ZNF536: variants seen among roughly 807,000 people sequenced by gnomAD.
ZNF536 encodes the protein zinc finger protein 536.
In ZNF536, 13 loss-of-function variants were observed where a neutral mutation model predicts 84.5. That is an observed-to-expected ratio of 0.15 (90% CI 0.10 to 0.24). ZNF536 has a LOEUF of 0.24. Ranked by LOEUF, ZNF536 falls within the 10% of genes least tolerant of loss-of-function variation. ZNF536 has a pLI of 1.00. For synonymous variants in ZNF536, 811 were observed against 742.5 expected (o/e 1.09, Z -1.50); for missense variants, 1,536 against 1,747.5 (o/e 0.88, Z 2.16).
chr19:30,645,437 A>AT (rs879501024), intron 1 of ZNF536, among the ~76,000 whole-genome samples: 3 of 152,100 alleles, frequency 2.0e-5, no homozygotes, highest in Admixed American at 6.6e-5. Flanking sequence ...CTTTAAAAAA[A>AT]TTTTTTTGGG....
chr19:30,665,006 T>A (rs558948300), intron 1 of ZNF536, among the ~76,000 whole-genome samples: 13 of 152,344 alleles, frequency 8.5e-5, no homozygotes, highest in Admixed American at 8.5e-4. Context: ...ACTTCAGGCC[T>A]GGAAAATAAT....
rs762387553 is a variant in ZNF536, at chr19:30,557,208, T to C, written c.*44T>C. On this transcript the variant is annotated 3_prime_UTR_variant, in exon 5 of 5. Coordinates refer to ENST00000355537, the MANE Select transcript of ZNF536 (RefSeq NM_014717.3). The stretch of plus-strand genomic sequence containing the variant: ...GTCTATCTGGACTTGCCCTTGTCTG[T>C]TCGTGGTCCTCGGTGGTTATCTGCA... The C allele has an allele frequency of 1.2e-6, 2 of 1,611,464 alleles. No individual in the cohort carries two copies. The highest frequency in any genetic ancestry group is 1.7e-5 in the Admixed American group (1 of 59,830).
Position 30,292,739 on chromosome 19 carries a change from G to C in ZNF536, c.-120+8598G>C, listed in dbSNP as rs2045883440. 2.0e-5 allele frequency among the ~76,000 whole-genome samples: 3 copies of C among 152,170 alleles called. No homozygotes were observed. In the South Asian group the frequency reaches 6.2e-4, roughly 32 times the overall value. On this transcript the variant is annotated intron_variant, in intron 2 of 5. Coordinates refer to the ZNF536 transcript ENST00000585628. Reference sequence around the variant, plus strand: ...TTGGGAGAGGAAGCCAATTGAGGGAGAGAATGAAGATGGAAGGAGATGTTA... The same window carrying C: ...TTGGGAGAGGAAGCCAATTGAGGGACAGAATGAAGATGGAAGGAGATGTTA...
At chr19:30,288,676 C>A (rs184213133) in intron 2 of ZNF536, among the ~76,000 whole-genome samples, 83 of 152,326 alleles carry the variant, frequency 5.4e-4, no homozygotes, top group African/African-American at 1.8e-3. Flanking sequence ...CTGTCTGACC[C>A]AGTGTCAAGG....
At chr19:30,285,603 A>G (rs1013177861) in intron 2 of ZNF536, among the ~76,000 whole-genome samples, 2 of 152,144 alleles carry the variant, frequency 1.3e-5, no homozygotes, top group Admixed American at 1.3e-4. Context: ...GAGCCAGTGG[A>G]AGTGGCTTTA....
chr19:30,509,729 G>A (rs2055332074), intron 2 of ZNF536, among the ~76,000 whole-genome samples: 2 of 152,230 alleles, frequency 1.3e-5, no homozygotes, highest in South Asian at 4.1e-4. Flanking sequence ...CCCACAATCA[G>A]TACACTTTTC....
intron 1 of ZNF536, among the ~76,000 whole-genome samples, chr19:30,271,947 G>A (rs751462074): frequency 1.3e-4 from 20 of 152,206 alleles, no homozygotes; most frequent in Admixed American, 2.6e-4. Context: ...GTAGAATGAG[G>A]TCTTCAGCCT....
chr19:30,232,444 CT>C (rs1462326280), intron 1 of ZNF536, among the ~76,000 whole-genome samples: 7 of 151,992 alleles, frequency 4.6e-5, no homozygotes, highest in Non-Finnish European at 1.0e-4. Context: ...TTTCTCCCCC[CT>C]CTAGTGTCCC....
intron 2 of ZNF536, among the ~76,000 whole-genome samples, chr19:30,493,178 A>G (rs1010577609): frequency 7.3e-6 from 1 of 136,452 alleles, no homozygotes; most frequent in African/African-American, 2.8e-5. Flanking sequence ...TTTAAGTACT[A>G]AAATATTTTT....
intron 2 of ZNF536, among the ~76,000 whole-genome samples, chr19:30,475,829 CT>C (rs1713791368): frequency 6.6e-6 from 1 of 152,176 alleles, no homozygotes; most frequent in South Asian, 2.1e-4. Context: ...CCTTTCTCCC[CT>C]GTCTCCCCAT....
intron 2 of ZNF536, among the ~76,000 whole-genome samples, chr19:30,351,686 G>T (rs1233808787): frequency 6.6e-6 from 1 of 152,188 alleles, no homozygotes; most frequent in Non-Finnish European, 1.5e-5. Context: ...TTCTAAAGCT[G>T]CTTAAAGCCT....
chr19:30,395,336 G>A (rs1313221886), intron 1 of ZNF536, among the ~76,000 whole-genome samples: 1 of 152,188 alleles, frequency 6.6e-6, no homozygotes, highest in Non-Finnish European at 1.5e-5. Flanking sequence ...TTTGTTTGCA[G>A]TATCTACAGT....
At chr19:30,324,925 G>A (rs1042498250) in intron 2 of ZNF536, among the ~76,000 whole-genome samples, 1 of 152,192 alleles carries the variant, frequency 6.6e-6, no homozygotes, top group African/African-American at 2.4e-5. Context: ...ACAGTCCTGT[G>A]TGACACCTTC....
chr19:30,309,961 G>C (rs1033664144), intron 2 of ZNF536, among the ~76,000 whole-genome samples: 7 of 152,092 alleles, frequency 4.6e-5, no homozygotes, highest in African/African-American at 1.4e-4. Context: ...GGGAGGGGCA[G>C]GGACAAGTGG....
chr19:30,325,890 C>G (rs981241146), intron 2 of ZNF536, among the ~76,000 whole-genome samples: 15 of 152,176 alleles, frequency 9.9e-5, no homozygotes, highest in African/African-American at 3.6e-4. Context: ...GGGGTGTCGC[C>G]TCTCCTCTAA....
At chr19:30,435,466 ATAC>A (rs1211905877) in intron 1 of ZNF536, among the ~76,000 whole-genome samples, 4 of 150,444 alleles carry the variant, frequency 2.7e-5, no homozygotes, top group Non-Finnish European at 4.4e-5. Flanking sequence ...GATGGTAGTG[ATAC>A]TGCTGCTGCT....
intron 1 of ZNF536, among the ~76,000 whole-genome samples, chr19:30,435,024 GTGA>G (rs2051660380): frequency 6.6e-6 from 1 of 150,526 alleles, no homozygotes; most frequent in Non-Finnish European, 1.5e-5. Context: ...GCTGGTGATG[GTGA>G]TGATGATGGT....
At chr19:30,440,863 C>A (rs1260954065) in intron 1 of ZNF536, among the ~76,000 whole-genome samples, 2 of 150,490 alleles carry the variant, frequency 1.3e-5, no homozygotes, top group Non-Finnish European at 2.9e-5. Context: ...GATTACAAAT[C>A]TTTGTTAACT....
chr19:30,673,040 A>G (rs2050616833), intron 1 of ZNF536, among the ~76,000 whole-genome samples: 1 of 152,138 alleles, frequency 6.6e-6, no homozygotes, highest in Admixed American at 6.5e-5. Context: ...AAAGCCCCAT[A>G]TGCTTTGGCA....
Sources: gnomAD v4.1 joint callset for allele counts (sites outside exome capture counted in the v4.1 genomes callset) on GRCh38, gnomAD v4.1.1 for gene constraint, MANE v1.5 for transcripts, NCBI Gene and HGNC (gene_info 2026-07-23, HGNC 2026-07-21) for gene names.